The following MARCHF1 variants were observed in gnomAD, a reference collection of about 807,000 sequenced individuals.
The protein encoded by MARCHF1 is E3 ubiquitin-protein ligase MARCHF1.
In MARCHF1, 40 loss-of-function variants were observed where a neutral mutation model predicts 54.2. The ratio of observed to expected loss-of-function variants is 0.74; its 90% CI spans 0.57 to 0.96. The LOEUF (loss-of-function observed/expected upper bound fraction) is 0.96. Among genes scored for constraint, MARCHF1 ranks in the 40% least tolerant of loss-of-function variants. MARCHF1 has a pLI of 0.00. For synonymous variants in MARCHF1, 236 were observed against 236.3 expected (o/e 1.00, Z 0.01); for missense variants, 586 against 656.5 (o/e 0.89, Z 1.17).
chr4:164,366,051 T>C (rs140420352), intron 1 of MARCHF1, among the ~76,000 whole-genome samples: 1 of 152,170 alleles, frequency 6.6e-6, no homozygotes, highest in Admixed American at 6.5e-5. Flanking sequence ...TCTATTGTTA[T>C]AGTAATTTGG....
chr4:163,924,177 A>G (rs1369057566), intron 3 of MARCHF1, among the ~76,000 whole-genome samples: 1 of 152,098 alleles, frequency 6.6e-6, no homozygotes, highest in African/African-American at 2.4e-5. Flanking sequence ...CACAGAGGAA[A>G]ATTACTTAAT....
At chr4:163,913,817 G>T (rs1260606910) in intron 3 of MARCHF1, among the ~76,000 whole-genome samples, 1 of 152,108 alleles carries the variant, frequency 6.6e-6, no homozygotes, top group African/African-American at 2.4e-5. Flanking sequence ...ATCACAGTCT[G>T]CACACACAAA....
intron 5 of MARCHF1, among the ~76,000 whole-genome samples, chr4:163,615,012 A>C (rs970944254): frequency 6.6e-6 from 1 of 152,136 alleles, no homozygotes; most frequent in Admixed American, 6.6e-5. Flanking sequence ...ATTCAGCCCT[A>C]TTAACATGTT....
At chr4:163,616,136 G>A (rs756576716) in intron 5 of MARCHF1, among the ~76,000 whole-genome samples, 5 of 152,196 alleles carry the variant, frequency 3.3e-5, no homozygotes, top group Non-Finnish European at 4.4e-5. Flanking sequence ...TGGAGAAATC[G>A]CTTCAGGACA....
intron 1 of MARCHF1, among the ~76,000 whole-genome samples, chr4:164,191,838 C>T (rs931677665): frequency 5.9e-5 from 9 of 152,238 alleles, no homozygotes; most frequent in East Asian, 1.9e-4. Context: ...TATATTTTTA[C>T]TCAAATCCTA....
intron 2 of MARCHF1, among the ~76,000 whole-genome samples, chr4:164,043,715 G>A (rs1433402541): frequency 1.3e-5 from 2 of 152,144 alleles, no homozygotes; most frequent in Non-Finnish European, 2.9e-5. Context: ...CACATGGTCA[G>A]GCTACAAATT....
intron 3 of MARCHF1, among the ~76,000 whole-genome samples, chr4:163,899,419 C>T (rs1750889392): frequency 6.6e-6 from 1 of 152,118 alleles, no homozygotes; most frequent in Non-Finnish European, 1.5e-5. Context: ...CTTCTCTTGG[C>T]TTCTAGGACA....
chr4:164,246,922 A>G (rs1361363204), intron 1 of MARCHF1, among the ~76,000 whole-genome samples: 1 of 101,962 alleles, frequency 9.8e-6, no homozygotes, highest in Non-Finnish European at 2.0e-5. Flanking sequence ...ATCTCACACC[A>G]GTTAGAATGG....
chr4:163,922,447 A>G lies in MARCHF1; in HGVS notation c.-39+66054T>C, dbSNP rs536797456. On this transcript the variant is annotated intron_variant, in intron 3 of 9. Transcript: ENST00000514618. ...AACAGGAAATAACTTTCCTTTGCCTATTGTACAGTGAGTCACATAGGCCTG... is the reference window on the plus strand; with the variant it reads ...AACAGGAAATAACTTTCCTTTGCCTGTTGTACAGTGAGTCACATAGGCCTG... 3.9e-5 allele frequency among the ~76,000 whole-genome samples: 6 copies of G among 152,166 alleles called. No homozygotes were observed. In the South Asian group the frequency reaches 1.2e-3, roughly 32 times the overall value.
chr4:163,859,908 T>C (rs1312150678), intron 3 of MARCHF1, among the ~76,000 whole-genome samples: 1 of 152,146 alleles, frequency 6.6e-6, no homozygotes, highest in Admixed American at 6.5e-5. Flanking sequence ...AAATCTTCCT[T>C]ATGGAATTGA....
chr4:164,351,517 G>A (rs555138499), intron 1 of MARCHF1, among the ~76,000 whole-genome samples: 237 of 151,850 alleles, frequency 1.6e-3, no homozygotes, highest in Middle Eastern at 0.014. Context: ...CACCTCACAC[G>A]GCAGGGTATT....
At chr4:164,351,178 C>A in intron 1 of MARCHF1, among the ~76,000 whole-genome samples, 1 of 151,694 alleles carries the variant, frequency 6.6e-6, no homozygotes, top group Non-Finnish European at 1.5e-5. Flanking sequence ...GGCAGCGAGG[C>A]TGGGGTAGGG....
At chr4:163,741,620 T>A (rs1746199439) in intron 4 of MARCHF1, among the ~76,000 whole-genome samples, 1 of 151,932 alleles carries the variant, frequency 6.6e-6, no homozygotes, top group African/African-American at 2.4e-5. Context: ...AATATCAGCG[T>A]GTTTAAGCAA....
At chr4:164,070,447 G>T (rs558086819) in intron 2 of MARCHF1, among the ~76,000 whole-genome samples, 10 of 152,208 alleles carry the variant, frequency 6.6e-5, no homozygotes, top group African/African-American at 2.4e-4. Flanking sequence ...ACAAAGACTG[G>T]GATCATTTTA....
chr4:164,356,763 T>TAA (rs1227464195), intron 1 of MARCHF1, among the ~76,000 whole-genome samples: 1 of 30,766 alleles, frequency 3.3e-5, no homozygotes, highest in African/African-American at 8.8e-5. Flanking sequence ...TAAAGTATAA[T>TAA]AAAAAAAAAA....
intron 3 of MARCHF1, among the ~76,000 whole-genome samples, chr4:163,878,771 C>T (rs1301546943): frequency 6.6e-6 from 1 of 152,148 alleles, no homozygotes; most frequent in Non-Finnish European, 1.5e-5. Flanking sequence ...ATCTGTGTAT[C>T]ATCCAAAGTC....
At chr4:163,705,205 G>T (rs1435471095) in intron 4 of MARCHF1, among the ~76,000 whole-genome samples, 2 of 151,606 alleles carry the variant, frequency 1.3e-5, no homozygotes, top group Non-Finnish European at 3.0e-5. Context: ...TTACTTTAAA[G>T]AACACATAAT....
At chr4:163,888,035 T>C (rs1220054163) in intron 3 of MARCHF1, among the ~76,000 whole-genome samples, 1 of 152,186 alleles carries the variant, frequency 6.6e-6, no homozygotes, top group Non-Finnish European at 1.5e-5. Context: ...AAAAGGACTA[T>C]AGGAAAGTAC....
At chr4:163,582,400 C>G (rs1178217334) in intron 8 of MARCHF1, among the ~76,000 whole-genome samples, 1 of 152,066 alleles carries the variant, frequency 6.6e-6, no homozygotes, top group East Asian at 1.9e-4. Context: ...ATTAAGATAC[C>G]TTGATGAATT....
Sources: allele counts gnomAD v4.1 joint callset (sites outside exome capture counted in the v4.1 genomes callset), GRCh38; gene constraint gnomAD v4.1.1; transcripts MANE v1.5; gene names NCBI Gene and HGNC (gene_info 2026-07-23, HGNC 2026-07-21).